IL5: variants seen among roughly 807,000 people sequenced by gnomAD.
IL5 encodes the protein interleukin-5.
A neutral mutation model predicts 16.3 loss-of-function variants in IL5; 12 were observed. The ratio of observed to expected loss-of-function variants is 0.74; its 90% CI spans 0.47 to 1.20. The LOEUF (loss-of-function observed/expected upper bound fraction) is 1.20. Among genes scored for constraint, IL5 ranks in the 50% most tolerant of loss-of-function variants. IL5 has a pLI of 0.00. For synonymous variants in IL5, 54 were observed against 56.6 expected (o/e 0.95, Z 0.21); for missense variants, 159 against 153.9 (o/e 1.03, Z -0.17).
intron 2 of IL5, 36 bp downstream of exon 2, chr5:132,543,058 C>T: frequency 6.9e-7 from 1 of 1,442,460 alleles, no homozygotes; most frequent in Non-Finnish European, 9.7e-7. Flanking sequence ...TTTACTTATT[C>T]ATGCCATCAT....
upstream of IL5, among the ~76,000 whole-genome samples, chr5:132,545,196 G>T (rs1161405170): frequency 2.0e-5 from 3 of 152,172 alleles, no homozygotes; most frequent in Non-Finnish European, 4.4e-5. Context: ...AGTTCTGGCA[G>T]GAGCTTTCTC....
At chr5:132,543,542 A>G (rs1213854421), upstream of IL5, 39 of 1,500,812 alleles carry the variant, frequency 2.6e-5, no homozygotes, top group Middle Eastern at 1.8e-4. Flanking sequence ...CTGCGTCCCC[A>G]GTCAATTTAT....
chr5:132,555,269 T>G (rs778200405), intron 1 of IL5, among the ~76,000 whole-genome samples: 1 of 152,148 alleles, frequency 6.6e-6, no homozygotes, highest in Non-Finnish European at 1.5e-5. Flanking sequence ...TTGAGGACAT[T>G]ATAAGTGAAA....
intron 1 of IL5, among the ~76,000 whole-genome samples, chr5:132,550,325 CTTT>C (rs539567798): frequency 5.8e-5 from 8 of 138,110 alleles, no homozygotes; most frequent in Non-Finnish European, 4.7e-5. Flanking sequence ...AAAAAGAAAT[CTTT>C]TTTTTTTTTT....
chr5:132,552,276 AAACAAC>A (rs879370390), intron 1 of IL5, among the ~76,000 whole-genome samples: 1 of 152,112 alleles, frequency 6.6e-6, no homozygotes, highest in African/African-American at 2.4e-5. Flanking sequence ...TCAAAAACAA[AAACAAC>A]AACAACAACA....
chr5:132,543,059 A>G, intron 2 of IL5, 35 bp downstream of exon 2: 1 of 1,451,476 alleles, frequency 6.9e-7, no homozygotes, highest in South Asian at 1.2e-5. Context: ...TTACTTATTC[A>G]TGCCATCATT....
rs754121375 is a variant in IL5 at position 132,543,426 on chromosome 5, T to C, written c.53A>G (p.Tyr18Cys). The change falls in exon 1 of 4, where the codon TAT (tyrosine) becomes TGT (cysteine). Residue 18 changes from tyrosine (Y) to cysteine (C), a missense_variant. By Grantham distance (194) the Tyr-to-Cys change is radical. Transcript: ENST00000231454. ...TGTGGGAATTTCTGTGGGGATGGCA[T>C]ACACGTAGGCAGCTCCAAGAGCTAG... ...SLLALGAAYV[Y>C]AIPTEIPTSA... 1 of 1,614,160 alleles carries C rather than the reference T, an allele frequency of 6.2e-7. No individual in the cohort carries two copies. Among genetic ancestry groups the C allele is most frequent in the Non-Finnish European group, 8.5e-7 (1 of 1,179,982 alleles).
intron 1 of IL5, among the ~76,000 whole-genome samples, chr5:132,553,252 G>A (rs1004068163): frequency 6.6e-6 from 1 of 152,226 alleles, no homozygotes; most frequent in East Asian, 1.9e-4. Context: ...TTCTGGATTT[G>A]CCTTTTCCAA....
In IL5 at chr5:132,541,743, C is replaced by T. The variant is rs1198716811; in HGVS notation, c.*68G>A. 3.2e-6 allele frequency: 3 copies of T among 937,778 alleles called. No homozygotes were observed. Among genetic ancestry groups the T allele is most frequent in the Non-Finnish European group, 5.1e-6 (3 of 593,514 alleles). 58.1% of individuals were successfully genotyped at this position (937,778 alleles called of 1,614,324 possible). A position where few individuals can be genotyped will look rare whatever the true frequency, so the allele number is the denominator to read the frequency against. On this transcript the variant is annotated 3_prime_UTR_variant, in exon 4 of 4. Coordinates refer to ENST00000231454, the MANE Select transcript of IL5 (RefSeq NM_000879.3). ...AATTAAGGCCTGACTCTTTCTTGGC[C>T]CTCATTCTCACTGCAGTAAAATGTC...
At position 132,554,093 on chromosome 5, in the gene IL5, C is replaced by T. The variant is rs148665229; in HGVS notation, c.42+2581G>A. On this transcript the variant is annotated intron_variant, in intron 1 of 2. Transcript: ENST00000450655. ...GACTTAAAAAATGGTCTTGGCCAGG[C>T]GCAGTGGCTCACACCTGTAATCCCA... Among the ~76,000 whole-genome samples the T allele has an allele frequency of 1.2e-3, 185 of 151,828 alleles. 3 individuals carry two copies. The highest frequency in any genetic ancestry group is 4.1e-3 in the African/African-American group (170 of 41,352).
intron 1 of IL5, among the ~76,000 whole-genome samples, chr5:132,553,442 C>T (rs1456190482): frequency 6.6e-6 from 1 of 152,172 alleles, no homozygotes; most frequent in Non-Finnish European, 1.5e-5. Context: ...TCAGTGATTG[C>T]TAATTTCTTA....
At chr5:132,546,556 A>C (rs367621404), upstream of IL5, among the ~76,000 whole-genome samples, 4 of 152,142 alleles carry the variant, frequency 2.6e-5, no homozygotes. Flanking sequence ...CTGTCGATGG[A>C]CACCAATGTT....
intron 1 of IL5, among the ~76,000 whole-genome samples, chr5:132,550,635 CTT>C (rs1434482900): frequency 6.6e-6 from 1 of 151,796 alleles, no homozygotes; most frequent in African/African-American, 2.4e-5. Flanking sequence ...AAAAATAACT[CTT>C]ATATTTTCAC....
At chr5:132,547,814 A>G (rs1249683959), upstream of IL5, among the ~76,000 whole-genome samples, 1 of 152,220 alleles carries the variant, frequency 6.6e-6, no homozygotes, top group Non-Finnish European at 1.5e-5. Context: ...TCAGGTCTGT[A>G]ACCCCAGCAC....
At chr5:132,556,716 TCCAGGAGTC>T (rs1262327484) in exon 1 of IL5, 1 of 1,246,374 alleles carries the variant, frequency 8.0e-7, no homozygotes, top group East Asian at 5.3e-5. Context: ...CTACCCCCAT[TCCAGGAGTC>T]CCAGGATCAA....
upstream of IL5, among the ~76,000 whole-genome samples, chr5:132,548,473 A>G (rs1749828731): frequency 6.6e-6 from 1 of 152,236 alleles, no homozygotes; most frequent in Non-Finnish European, 1.5e-5. Flanking sequence ...ATGTGAATAC[A>G]GCAGGTCCTT....
At position 132,541,554 on chromosome 5, in the gene IL5, C is replaced by T; in HGVS notation, c.*257G>A. ...TACTATTAAGTTAACAGACATTTTA[C>T]AGAATGTTAAGTTAAATAAGAAAAA... is the stretch of plus-strand genomic sequence containing the variant. On this transcript the variant is annotated 3_prime_UTR_variant, in exon 4 of 4. Coordinates refer to ENST00000231454, the MANE Select transcript of IL5 (RefSeq NM_000879.3). 1 of 356,936 alleles carries T rather than the reference C, an allele frequency of 2.8e-6. No individual in the cohort carries two copies. The highest frequency in any genetic ancestry group is 5.0e-6 in the Non-Finnish European group (1 of 199,278). 22.1% of individuals were successfully genotyped at this position (356,936 alleles called of 1,614,324 possible).
intron 1 of IL5, among the ~76,000 whole-genome samples, chr5:132,550,056 C>T (rs893625001): frequency 6.6e-6 from 1 of 152,090 alleles, no homozygotes; most frequent in East Asian, 1.9e-4. Context: ...ATTTCTTTTT[C>T]ACATATCTAT....
upstream of IL5, chr5:132,543,576 A>G (rs1749738088): frequency 2.4e-6 from 3 of 1,243,432 alleles, no homozygotes; most frequent in African/African-American, 3.0e-5. Flanking sequence ...GGAAATGAAT[A>G]ATTTCTAACA....
Sources: allele counts gnomAD v4.1 joint callset (sites outside exome capture counted in the v4.1 genomes callset), GRCh38; gene constraint gnomAD v4.1.1; transcripts MANE v1.5; gene names NCBI Gene and HGNC (gene_info 2026-07-23, HGNC 2026-07-21).